ANKS1A: variants seen among roughly 807,000 people sequenced by gnomAD.
ANKS1A encodes the protein ankyrin repeat and SAM domain-containing protein 1A.
Under a neutral mutation model 120.3 loss-of-function variants are expected in ANKS1A, and 55 were observed. That is an observed-to-expected ratio of 0.46 (90% CI 0.37 to 0.57). The LOEUF is 0.57. ANKS1A is among the 20% of genes least tolerant of loss of function. The pLI is 0.00. For missense variants in ANKS1A, 1,123 were observed against 1,480.3 expected (o/e 0.76, Z 3.96); for synonymous variants, 590 against 604.7 (o/e 0.98, Z 0.36).
In ANKS1A at chr6:35,090,105, C is replaced by A. The variant is rs989761161; in HGVS notation, c.*1496C>A. On this transcript the variant is annotated 3_prime_UTR_variant, in exon 24 of 24. Coordinates refer to ENST00000360359, the MANE Select transcript of ANKS1A (RefSeq NM_015245.3). ...CTTGTGGGTTTCTATCTGCTAAGCA[C>A]CCAGCAGGTTGGGGCCTGGGACTCA... 3 of 1,288,870 alleles carry A rather than the reference C, an allele frequency of 2.3e-6. No homozygotes were observed. In the African/African-American group the frequency reaches 4.6e-5, roughly 20 times the overall value. 79.8% of individuals were successfully genotyped at this position (1,288,870 alleles called of 1,614,324 possible).
At chr6:34,890,735 G>C (rs1398320757) in intron 1 of ANKS1A, among the ~76,000 whole-genome samples, 2 of 152,210 alleles carry the variant, frequency 1.3e-5, no homozygotes, top group Non-Finnish European at 1.5e-5. Flanking sequence ...TAGTTCAGCA[G>C]CGCTTTCATA....
intron 12 of ANKS1A, among the ~76,000 whole-genome samples, chr6:35,054,602 T>A (rs1776118316): frequency 6.6e-6 from 1 of 152,158 alleles, no homozygotes; most frequent in African/African-American, 2.4e-5. Flanking sequence ...TGCATGTGAA[T>A]TGCCTGGGAG....
chr6:35,083,091 G>T, intron 18 of ANKS1A, 64 bp from the exon 19 acceptor site: 2 of 1,587,640 alleles, frequency 1.3e-6, no homozygotes, highest in South Asian at 1.1e-5. Context: ...GTCCCAAATT[G>T]GTTGGGTCAC....
intron 11 of ANKS1A, among the ~76,000 whole-genome samples, chr6:35,037,978 C>T (rs1775267366): frequency 6.6e-6 from 1 of 151,744 alleles, no homozygotes; most frequent in South Asian, 2.1e-4. Context: ...GGAGAGGGCA[C>T]GATGGAGTGA....
intron 16 of ANKS1A, 67 bp downstream of exon 16, chr6:35,079,995 T>C: frequency 2.0e-6 from 3 of 1,497,708 alleles, no homozygotes; most frequent in Non-Finnish European, 2.7e-6. Context: ...TACATAGAAT[T>C]CTTTAGGATT....
chr6:35,061,203 T>C (rs1373221438), intron 13 of ANKS1A, among the ~76,000 whole-genome samples: 2 of 152,188 alleles, frequency 1.3e-5, no homozygotes, highest in African/African-American at 4.8e-5. Flanking sequence ...CTGTCAGTCA[T>C]TGGCAGGGTG....
At chr6:35,097,675 C>T in the ANKS1A span, among the ~76,000 whole-genome samples, 1 of 142,868 alleles carries the variant, frequency 7.0e-6, no homozygotes, top group East Asian at 2.0e-4. Flanking sequence ...CACACACACA[C>T]ACAGCCAAAA....
intron 7 of ANKS1A, among the ~76,000 whole-genome samples, chr6:34,984,016 G>A (rs918973625): frequency 6.6e-6 from 1 of 152,016 alleles, no homozygotes; most frequent in Admixed American, 6.5e-5. Flanking sequence ...GGCTGGCCTC[G>A]AACTCCTGAC....
chr6:35,077,385 C>T (rs1268949428), intron 13 of ANKS1A, among the ~76,000 whole-genome samples: 2 of 152,224 alleles, frequency 1.3e-5, no homozygotes, highest in Non-Finnish European at 2.9e-5. Flanking sequence ...GGCCCACATG[C>T]ACTGCTGCGG....
chr6:35,069,717 ATTT>A (rs34879318), intron 13 of ANKS1A, among the ~76,000 whole-genome samples: 4 of 150,018 alleles, frequency 2.7e-5, no homozygotes, highest in Non-Finnish European at 5.9e-5. Flanking sequence ...ATATATATAT[ATTT>A]TTTTTTTTAA....
intron 1 of ANKS1A, among the ~76,000 whole-genome samples, chr6:34,915,935 C>T (rs530201032): frequency 2.6e-5 from 4 of 151,486 alleles, no homozygotes; most frequent in Non-Finnish European, 5.9e-5. Context: ...TCCTTTTAGC[C>T]ACCTAAAAGC....
intron 11 of ANKS1A, among the ~76,000 whole-genome samples, chr6:35,033,554 C>T (rs1037663150): frequency 3.3e-5 from 5 of 152,216 alleles, no homozygotes; most frequent in African/African-American, 1.2e-4. Context: ...GGCCATGCTC[C>T]AGTTCAGATA....
chr6:34,943,678 C>T (rs73421536), intron 1 of ANKS1A, among the ~76,000 whole-genome samples: 13,448 of 152,266 alleles, frequency 0.088, 766 homozygotes, highest in East Asian at 0.34. Flanking sequence ...TGGAATCATA[C>T]AGTATGGAGC....
At chr6:34,962,330 A>G (rs1177498872) in intron 1 of ANKS1A, among the ~76,000 whole-genome samples, 2 of 152,250 alleles carry the variant, frequency 1.3e-5, no homozygotes, top group African/African-American at 4.8e-5. Flanking sequence ...ATCGAAATAC[A>G]TGTATCTTGC....
chr6:34,977,729 A>C (rs1561885598), intron 3 of ANKS1A, among the ~76,000 whole-genome samples: 1 of 151,988 alleles, frequency 6.6e-6, no homozygotes, highest in Non-Finnish European at 1.5e-5. Flanking sequence ...ACTTGCTTTC[A>C]TGCTTCTCCT....
intron 1 of ANKS1A, among the ~76,000 whole-genome samples, chr6:34,894,986 G>A (rs1767001289): frequency 6.6e-6 from 1 of 152,014 alleles, no homozygotes; most frequent in South Asian, 2.1e-4. Context: ...CCATTTCATT[G>A]GGGGAATAAA....
At chr6:35,095,261 C>T (rs1581778981), downstream of ANKS1A, among the ~76,000 whole-genome samples, 1 of 151,718 alleles carries the variant, frequency 6.6e-6, no homozygotes, top group South Asian at 2.1e-4. Context: ...ATAAACTCTG[C>T]GAAAGTGGTT....
chr6:34,891,713 C>G (rs1023733584), intron 1 of ANKS1A, among the ~76,000 whole-genome samples: 1 of 152,086 alleles, frequency 6.6e-6, no homozygotes, highest in East Asian at 1.9e-4. Context: ...CTGCAACCTT[C>G]GCCTTCCTGG....
At chr6:34,943,075 C>T (rs1425670314) in intron 1 of ANKS1A, among the ~76,000 whole-genome samples, 1 of 152,010 alleles carries the variant, frequency 6.6e-6, no homozygotes, top group East Asian at 1.9e-4. Flanking sequence ...TCAGGGCCTA[C>T]TCCCACCTCG....
Sources: allele counts gnomAD v4.1 joint callset (sites outside exome capture counted in the v4.1 genomes callset), GRCh38; gene constraint gnomAD v4.1.1; transcripts MANE v1.5; gene names NCBI Gene and HGNC (gene_info 2026-07-23, HGNC 2026-07-21).